PDP2: variants seen among roughly 807,000 people sequenced by gnomAD.
PDP2 encodes the protein pyruvate dehydrogenase phosphatase catalytic subunit 2.
Under a neutral mutation model 34.2 loss-of-function variants are expected in PDP2, and 23 were observed. That is an observed-to-expected ratio of 0.67 (90% CI 0.48 to 0.95). PDP2 has a LOEUF of 0.95. Ranked by LOEUF, PDP2 falls within the 40% of genes least tolerant of loss-of-function variation. The pLI, the probability that PDP2 is intolerant of heterozygous loss-of-function variation, is 0.00. For synonymous variants in PDP2, 275 were observed against 269.2 expected, an observed-to-expected ratio of 1.02 and a Z score of -0.21; for missense variants, 571 against 659.6, an observed-to-expected ratio of 0.87 and a Z score of 1.47.
In PDP2 at chr16:66,885,565, G is replaced by T. The variant is rs367888427; in HGVS notation, c.1281G>T (p.Val427=). The change falls in exon 2 of 2, where the codon GTG becomes GTT. Residue 427 remains valine (V), a synonymous_variant. Transcript: ENST00000311765. This position sits in a 1 kb window ranked among gnomAD's most constrained non-coding sequence, Gnocchi z 4.6. The part of the protein sequence containing the change: ...MLSNEDVVRL[V]VGHLAEADWH... Reference sequence around the variant, plus strand: ...GCAATGAGGACGTGGTAAGGCTGGTGGTGGGGCACCTGGCTGAGGCAGATT... The same window carrying T: ...GCAATGAGGACGTGGTAAGGCTGGTTGTGGGGCACCTGGCTGAGGCAGATT... 5 of 1,614,012 alleles carry T rather than the reference G, an allele frequency of 3.1e-6. No homozygotes were observed. Among genetic ancestry groups the T allele is most frequent in the African/African-American group, 1.3e-5 (1 of 74,930 alleles).
Position 66,886,732 on chromosome 16 carries a change from A to G in PDP2, c.*858A>G, listed in dbSNP as rs1326127217. ...GAGCCTTTGGGGGTTGATTCACAGC[A>G]TTTAAGCTTTCTGATTATACCTCTC... On this transcript the variant is annotated 3_prime_UTR_variant, in exon 2 of 2. Coordinates refer to ENST00000311765, the MANE Select transcript of PDP2 (RefSeq NM_020786.4). 4.0e-6 allele frequency: 1 copy of G among 253,154 alleles called. No individual in the cohort carries two copies. Among genetic ancestry groups the G allele is most frequent in the African/African-American group, 2.2e-5 (1 of 45,118 alleles). The allele number at this position is 253,154 out of a possible 1,614,324, so 15.7% of individuals were successfully genotyped here.
In PDP2 at chr16:66,887,463, A is replaced by G. The variant is rs542293530; in HGVS notation, c.*1589A>G. 2 of 167,202 alleles carry G rather than the reference A, an allele frequency of 1.2e-5. No homozygotes were observed. The highest frequency in any genetic ancestry group is 4.8e-5 in the African/African-American group (2 of 41,582). 10.4% of individuals were successfully genotyped at this position (167,202 alleles called of 1,614,324 possible). ...TACCCCTTTATGCCACCTACTGAAA[A>G]GAAAAACAAATAGCTAGGTTTGGTT... is the stretch of plus-strand genomic sequence containing the variant. On this transcript the variant is annotated 3_prime_UTR_variant, in exon 2 of 2. Coordinates refer to ENST00000311765, the MANE Select transcript of PDP2 (RefSeq NM_020786.4).
Position 66,885,001 on chromosome 16 carries a change from T to G in PDP2, c.717T>G (p.Asp239Glu), listed in dbSNP as rs1381777408. The G allele has an allele frequency of 1.6e-5, 26 of 1,613,470 alleles. No homozygotes were observed. The highest frequency in any genetic ancestry group is 1.8e-5 in the Non-Finnish European group (21 of 1,179,698). The change falls in exon 2 of 2, where the codon GAT becomes GAG. Residue 239 changes from aspartate (D) to glutamate (E), a missense_variant. By Grantham distance (45) the Asp-to-Glu change is conservative. Coordinates refer to ENST00000311765, the MANE Select transcript of PDP2 (RefSeq NM_020786.4). The surrounding 1 kb of genome is among the most constrained non-coding windows in gnomAD (Gnocchi z 4.6). Reference protein sequence around the residue: ...EALMYSFQRLDSDISLEIQAP... With the variant: ...EALMYSFQRLESDISLEIQAP... The stretch of plus-strand genomic sequence containing the variant: ...TAATGTACTCCTTCCAGAGACTGGA[T>G]TCTGACATCTCGCTGGAAATCCAGG...
Position 66,885,764 on chromosome 16 carries a change from G to A in PDP2, c.1480G>A (p.Ala494Thr), listed in dbSNP as rs145548142. 3,878 of 1,613,618 alleles carry A rather than the reference G, an allele frequency of 2.4e-3. 12 individuals carry two copies. Among genetic ancestry groups the A allele is most frequent in the Non-Finnish European group, 3.0e-3 (3,534 of 1,180,018 alleles). Reference sequence around the variant, plus strand: ...GGAGATGGAGGCAGAGCGGCTGGCGGCGATGCTGACATTGCCAGAGGACTT... The same window carrying A: ...GGAGATGGAGGCAGAGCGGCTGGCGACGATGCTGACATTGCCAGAGGACTT... Reference protein sequence around the residue: ...YGEMEAERLAAMLTLPEDLAR... With the variant: ...YGEMEAERLATMLTLPEDLAR... The change falls in exon 2 of 2, where the codon GCG (alanine) becomes ACG (threonine). Residue 494 changes from alanine to threonine, a missense_variant. Physicochemically the swap from Ala to Thr is moderately conservative, Grantham distance 58. Around this residue, in one of 2 missense-constraint regions of PDP2, gnomAD observed 281 missense variants for 375.8 expected, o/e 0.75. Transcript: ENST00000311765. The surrounding 1 kb of genome is among the most constrained non-coding windows in gnomAD (Gnocchi z 4.6).
Position 66,890,898 on chromosome 16 carries a change from C to G in PDP2, c.*5024C>G, listed in dbSNP as rs1423874850. On this transcript the variant is annotated 3_prime_UTR_variant, in exon 2 of 2. Coordinates refer to ENST00000311765, the MANE Select transcript of PDP2 (RefSeq NM_020786.4). ...GCAGCTATCAGAGCCGACTGAAGCC[C>G]TGTCCCTTACCCCTCAGGCACCTGA... 2.0e-5 allele frequency: 3 copies of G among 152,216 alleles called. No homozygotes were observed. Among genetic ancestry groups the G allele is most frequent in the Non-Finnish European group, 4.4e-5 (3 of 68,040 alleles). The allele number at this position is 152,216 out of a possible 1,614,324, so 9.4% of individuals were successfully genotyped here.
At position 66,884,734 on chromosome 16, in the gene PDP2, A is replaced by G. The variant is rs1303340697; in HGVS notation, c.450A>G (p.Gln150=). 6.2e-7 allele frequency: 1 copy of G among 1,614,218 alleles called. No individual in the cohort carries two copies. Among genetic ancestry groups the G allele is most frequent in the Non-Finnish European group, 8.5e-7 (1 of 1,180,044 alleles). Residue 150 remains glutamine, a synonymous_variant, in exon 2 of 2, where the codon CAA becomes CAG. Transcript: ENST00000311765. ...FDGHGGHACA[Q]AVSERLFYYV... ...GACATGGTGGTCATGCATGTGCCCAAGCAGTGAGCGAGAGGCTCTTCTACT... is the reference window on the plus strand; with the variant it reads ...GACATGGTGGTCATGCATGTGCCCAGGCAGTGAGCGAGAGGCTCTTCTACT...
rs747989240 is a variant in PDP2, at chr16:66,884,623, G to A, written c.339G>A (p.Gln113=). The change falls in exon 2 of 2, where the codon CAG becomes CAA. Residue 113 remains glutamine (Q), a synonymous_variant. Transcript: ENST00000311765. ...PNSVLRFESN[Q]LAANSPVEDR... ...CAGTGTTGCGGTTTGAGAGCAACCA[G>A]CTGGCTGCCAATTCCCCAGTGGAGG... The A allele has an allele frequency of 6.2e-7, 1 of 1,614,154 alleles. No homozygotes were observed. Among genetic ancestry groups the A allele is most frequent in the Non-Finnish European group, 8.5e-7 (1 of 1,180,062 alleles).
Position 66,886,404 on chromosome 16 carries a change from A to G in PDP2, c.*530A>G, listed in dbSNP as rs1961767718. The G allele has an allele frequency of 2.8e-6, 1 of 356,970 alleles. No individual in the cohort carries two copies. Among genetic ancestry groups the G allele is most frequent in the Non-Finnish European group, 6.1e-6 (1 of 162,930 alleles). 22.1% of individuals were successfully genotyped at this position (356,970 alleles called of 1,614,324 possible). A position where few individuals can be genotyped will look rare whatever the true frequency, so the allele number is the denominator to read the frequency against. ...GGACCCTTTTCTATGCAATATCCTA[A>G]CTTTTTTTTTTGTGATTATGCTTGT... On this transcript the variant is annotated 3_prime_UTR_variant, in exon 2 of 2. Transcript: ENST00000311765.
chr16:66,884,776 G>A lies in PDP2; in HGVS notation c.492G>A (p.Leu164=), dbSNP rs1961671697. 1.2e-6 allele frequency: 2 copies of A among 1,614,026 alleles called. No homozygotes were observed. Among genetic ancestry groups the A allele is most frequent in the African/African-American group, 2.7e-5 (2 of 74,940 alleles). ...TCTTCTACTATGTGGCAGTGTCCCT[G>A]ATGTCCCACCAGACCCTGGAGCACA... The part of the protein sequence containing the change: ...ERLFYYVAVS[L]MSHQTLEHME... The change falls in exon 2 of 2, where the codon CTG becomes CTA. Residue 164 remains leucine (L), a synonymous_variant. Coordinates refer to ENST00000311765, the MANE Select transcript of PDP2 (RefSeq NM_020786.4).
intron 1 of PDP2, among the ~76,000 whole-genome samples, chr16:66,881,335 G>C (rs1305639722): frequency 2.6e-5 from 4 of 151,866 alleles, no homozygotes; most frequent in Admixed American, 6.6e-5. Flanking sequence ...GGGAACTCTT[G>C]AGGTCCCGAC....
In PDP2 at chr16:66,885,757, G is replaced by C. The variant is rs1035062110; in HGVS notation, c.1473G>C (p.Arg491=). ...NNEYGEMEAE[R]LAAMLTLPED... is the part of the protein sequence containing the mutation. ...AGTATGGGGAGATGGAGGCAGAGCGGCTGGCGGCGATGCTGACATTGCCAG... is the reference window on the plus strand; with the variant it reads ...AGTATGGGGAGATGGAGGCAGAGCGCCTGGCGGCGATGCTGACATTGCCAG... Residue 491 remains arginine, a synonymous_variant, in exon 2 of 2, where the codon CGG becomes CGC. Coordinates refer to ENST00000311765, the MANE Select transcript of PDP2 (RefSeq NM_020786.4). The surrounding 1 kb of genome is among the most constrained non-coding windows in gnomAD (Gnocchi z 4.6). The C allele has an allele frequency of 1.9e-6, 3 of 1,613,542 alleles. No homozygotes were observed. Among genetic ancestry groups the C allele is most frequent in the South Asian group, 1.1e-5 (1 of 91,086 alleles).
In PDP2 at chr16:66,886,989, T is replaced by C. The variant is rs898601729; in HGVS notation, c.*1115T>C. ...TTGTGGACTTAAGATTCAACCTCTA[T>C]CTGGAGAGGTGAAAACACAAAGGCT... On this transcript the variant is annotated 3_prime_UTR_variant, in exon 2 of 2. Coordinates refer to ENST00000311765, the MANE Select transcript of PDP2 (RefSeq NM_020786.4). 3 of 168,932 alleles carry C rather than the reference T, an allele frequency of 1.8e-5. No homozygotes were observed. The highest frequency in any genetic ancestry group is 4.3e-5 in the Non-Finnish European group (3 of 69,176). 10.5% of individuals were successfully genotyped at this position (168,932 alleles called of 1,614,324 possible).
intron 1 of PDP2, among the ~76,000 whole-genome samples, chr16:66,882,477 A>C (rs1291328420): frequency 6.6e-6 from 1 of 152,078 alleles, no homozygotes; most frequent in African/African-American, 2.4e-5. Flanking sequence ...AAAAATACCC[A>C]GAATGACTTA....
chr16:66,888,215 C>T lies in PDP2; in HGVS notation c.*2341C>T, dbSNP rs1386935331. On this transcript the variant is annotated 3_prime_UTR_variant, in exon 2 of 2. Transcript: ENST00000311765. ...CCCGAGTAGCTGGGACTATGCACCA[C>T]CATGCCTGGCTAATTTTTTTAATTT... 1.3e-5 allele frequency: 2 copies of T among 151,678 alleles called. No homozygotes were observed. Among genetic ancestry groups the T allele is most frequent in the African/African-American group, 4.8e-5 (2 of 41,254 alleles). The allele number at this position is 151,678 out of a possible 1,614,324, so 9.4% of individuals were successfully genotyped here. A position where few individuals can be genotyped will look rare whatever the true frequency, so the allele number is the denominator to read the frequency against.
intron 1 of PDP2, among the ~76,000 whole-genome samples, chr16:66,881,428 T>TAA (rs1961511581): frequency 1.7e-5 from 2 of 119,190 alleles, no homozygotes; most frequent in Non-Finnish European, 3.2e-5. Context: ...GTTTTTTTTT[T>TAA]TTTAATTTAA....
rs543147279 is a variant in PDP2 at position 66,888,630 on chromosome 16, A to C, written c.*2756A>C. ...CCATCAGGCCCAGATAATTAAAAAA[A>C]CTTTTTTTGGTGAAAACATGATCTT... On this transcript the variant is annotated 3_prime_UTR_variant, in exon 2 of 2. Coordinates refer to ENST00000311765, the MANE Select transcript of PDP2 (RefSeq NM_020786.4). 1 of 152,300 alleles carries C rather than the reference A, an allele frequency of 6.6e-6. No individual in the cohort carries two copies. Among genetic ancestry groups the C allele is most frequent in the African/African-American group, 2.4e-5 (1 of 41,580 alleles). 9.4% of individuals were successfully genotyped at this position (152,300 alleles called of 1,614,324 possible). A position where few individuals can be genotyped will look rare whatever the true frequency, so the allele number is the denominator to read the frequency against.
chr16:66,885,442 A>G lies in PDP2; in HGVS notation c.1158A>G (p.Pro386=). 1 of 1,613,542 alleles carries G rather than the reference A, an allele frequency of 6.2e-7. No individual in the cohort carries two copies. The highest frequency in any genetic ancestry group is 8.5e-7 in the Non-Finnish European group (1 of 1,179,950). ...TCACACCCCCACACTACTACACTCC[A>G]CCCTACCTGACTGCTGAGCCTGAGG... ...YQFTPPHYYT[P]PYLTAEPEVT... Residue 386 remains proline (P), a synonymous_variant, in exon 2 of 2, where the codon CCA becomes CCG. Coordinates refer to ENST00000311765, the MANE Select transcript of PDP2 (RefSeq NM_020786.4). This position sits in a 1 kb window ranked among gnomAD's most constrained non-coding sequence, Gnocchi z 4.6.
At chr16:66,882,484 C>T (rs760915675) in intron 1 of PDP2, among the ~76,000 whole-genome samples, 1 of 150,868 alleles carries the variant, frequency 6.6e-6, no homozygotes, top group Non-Finnish European at 1.5e-5. Context: ...CCCAGAATGA[C>T]TTAGAGGGGT....
rs766684837 is a variant in PDP2 at position 66,884,469 on chromosome 16, C to T, written c.185C>T (p.Ala62Val). Residue 62 changes from alanine (A) to valine (V), a missense_variant, in exon 2 of 2, where the codon GCC (alanine) becomes GTC (valine). This residue lies in a region of PDP2 where 290 missense variants were observed against 283.8 expected (regional missense o/e 1.02). Coordinates refer to ENST00000311765, the MANE Select transcript of PDP2 (RefSeq NM_020786.4). Reference sequence around the variant, plus strand: ...TGTGGTGGCTTTACTCTGTGCAAAGCCTACAGACACACATCAACAGAGGAA... The same window carrying T: ...TGTGGTGGCTTTACTCTGTGCAAAGTCTACAGACACACATCAACAGAGGAA... The part of the protein sequence containing the change: ...SPCGGFTLCK[A>V]YRHTSTEEDD... 1 of 1,614,036 alleles carries T rather than the reference C, an allele frequency of 6.2e-7. No individual in the cohort carries two copies. Among genetic ancestry groups the T allele is most frequent in the African/African-American group, 1.3e-5 (1 of 74,908 alleles).
Sources: allele counts gnomAD v4.1 joint callset (sites outside exome capture counted in the v4.1 genomes callset), GRCh38; gene constraint gnomAD v4.1.1; regional missense constraint gnomAD v4.1.1; non-coding constraint Gnocchi (gnomAD v3.1); transcripts MANE v1.5; gene names NCBI Gene and HGNC (gene_info 2026-07-23, HGNC 2026-07-21).